The following GDPGP1 variants were observed in gnomAD, a reference collection of about 807,000 sequenced individuals.
The protein encoded by GDPGP1 is GDP-D-glucose phosphorylase 1.
GDPGP1 carries 18 observed loss-of-function variants against 19.2 expected under a neutral mutation model. The observed-to-expected ratio is 0.94, with a 90% CI of 0.65 to 1.39. The LOEUF is 1.39. Among genes scored for constraint, GDPGP1 ranks in the 40% most tolerant of loss-of-function variants. The probability of loss-of-function intolerance (pLI) is 0.00; values close to 1 mark genes in which losing one functional copy is unlikely to be tolerated. For missense variants in GDPGP1, 449 were observed against 490.5 expected (o/e 0.92, Z 0.80); for synonymous variants, 219 against 208.9 (o/e 1.05, Z -0.42).
chr15:90,243,214 T>C lies in GDPGP1; in HGVS notation c.*1148T>C, dbSNP rs1306781708. The C allele has an allele frequency of 6.6e-6, 1 of 152,248 alleles. No homozygotes were observed. The highest frequency in any genetic ancestry group is 1.5e-5 in the Non-Finnish European group (1 of 68,070). 9.4% of individuals were successfully genotyped at this position (152,248 alleles called of 1,614,324 possible). On this transcript the variant is annotated 3_prime_UTR_variant, in exon 4 of 4. Transcript: ENST00000329600. ...TATTTTTATTGCTTTGTCCCTTCTT[T>C]CCATTTAGCCCTGCTCCACCCAAAT...
Position 90,240,933 on chromosome 15 carries a change from G to A in GDPGP1, c.25G>A (p.Glu9Lys), listed in dbSNP as rs78054010. The stretch of plus-strand genomic sequence containing the variant: ...TATGGCTCTTCCACATGATTCAAAC[G>A]AAACTTCCTATTTGCTGCCTCCCAA... MALPHDSN[E>K]TSYLLPPNNE... The change falls in exon 4 of 4, where the codon GAA becomes AAA. Residue 9 changes from glutamate to lysine, a missense_variant. Physicochemically the swap from Glu to Lys is moderately conservative, Grantham distance 56. Transcript: ENST00000329600. 6,087 of 1,613,722 alleles carry A rather than the reference G, an allele frequency of 3.8e-3. 230 individuals carry two copies. The African/African-American group carries it at 0.072, about 19-fold the overall frequency.
rs369240813 is a variant in GDPGP1, at chr15:90,241,756, A to G, written c.848A>G (p.His283Arg). 186 of 1,614,104 alleles carry G rather than the reference A, an allele frequency of 1.2e-4. 1 individual carries two copies. The highest frequency in any genetic ancestry group is 4.9e-4 in the Middle Eastern group (3 of 6,084). Residue 283 changes from histidine (H) to arginine (R), a missense_variant, in exon 4 of 4, where the codon CAT becomes CGT. Coordinates refer to ENST00000329600, the MANE Select transcript of GDPGP1 (RefSeq NM_001013657.3). ...VCRATDYLTD[H>R]EIAHNLFVTR... Reference sequence around the variant, plus strand: ...CGGGCCACTGATTATCTGACTGACCATGAGATTGCTCATAACTTGTTTGTC... The same window carrying G: ...CGGGCCACTGATTATCTGACTGACCGTGAGATTGCTCATAACTTGTTTGTC...
chr15:90,241,236 C>G lies in GDPGP1; in HGVS notation c.328C>G (p.Gln110Glu). ...GCGTGGTGTGCAGAGGAGGCCCCCG[C>G]AGACCATCAAGAGTGTGAGGCAGGC... ...VERGVQRRPP[Q>E]TIKSVRQAFD... Residue 110 changes from glutamine to glutamate, a missense_variant, in exon 4 of 4, where the codon CAG becomes GAG. Gln to Glu is a conservative substitution (Grantham distance 29). Transcript: ENST00000329600. 6.2e-7 allele frequency: 1 copy of G among 1,614,184 alleles called. No individual in the cohort carries two copies. Among genetic ancestry groups the G allele is most frequent in the Non-Finnish European group, 8.5e-7 (1 of 1,180,036 alleles).
At position 90,245,703 on chromosome 15, in the gene GDPGP1, T is replaced by C. The variant is rs1962848220; in HGVS notation, c.*3637T>C. 1.3e-5 allele frequency: 2 copies of C among 152,294 alleles called. No homozygotes were observed. The highest frequency in any genetic ancestry group is 4.1e-4 in the South Asian group (2 of 4,828). The allele number at this position is 152,294 out of a possible 1,614,324, so 9.4% of individuals were successfully genotyped here. On this transcript the variant is annotated 3_prime_UTR_variant, in exon 4 of 4. Transcript: ENST00000329600. ...AAAGTGATAAGCCAAATATCAGGAT[T>C]TTCCCAGTTTCTCCGTAGGACTGAT...
intron 2 of GDPGP1, chr15:90,236,055 T>G (rs1454007935): frequency 6.6e-6 from 1 of 152,158 alleles, no homozygotes; most frequent in Non-Finnish European, 1.5e-5. Context: ...TCTTTTTTTT[T>G]GAGACAGAGT....
intron 3 of GDPGP1, among the ~76,000 whole-genome samples, chr15:90,240,345 T>G (rs1465405564): frequency 6.7e-6 from 1 of 149,638 alleles, no homozygotes; most frequent in Non-Finnish European, 1.5e-5. Flanking sequence ...CTGCCTCTAC[T>G]AAAAATACAA....
At chr15:90,240,780 C>A in intron 3 of GDPGP1, 120 bp from the exon 4 acceptor site, 1 of 670,920 alleles carries the variant, frequency 1.5e-6, no homozygotes, top group Non-Finnish European at 2.5e-6. Flanking sequence ...TGCCACTGCA[C>A]TCCAGCCTGG....
chr15:90,241,751 T>C lies in GDPGP1; in HGVS notation c.843T>C (p.Thr281=), dbSNP rs780730636. ...SRVCRATDYL[T]DHEIAHNLFV... ...TATGTCGGGCCACTGATTATCTGACTGACCATGAGATTGCTCATAACTTGT... is the reference window on the plus strand; with the variant it reads ...TATGTCGGGCCACTGATTATCTGACCGACCATGAGATTGCTCATAACTTGT... The change falls in exon 4 of 4, where the codon ACT becomes ACC. Residue 281 remains threonine (T), a synonymous_variant. Coordinates refer to ENST00000329600, the MANE Select transcript of GDPGP1 (RefSeq NM_001013657.3). 4 of 1,614,228 alleles carry C rather than the reference T, an allele frequency of 2.5e-6. No individual in the cohort carries two copies. The highest frequency in any genetic ancestry group is 2.5e-6 in the Non-Finnish European group (3 of 1,180,038).
At chr15:90,237,386 A>G (rs56030423) in intron 2 of GDPGP1, among the ~76,000 whole-genome samples, 8,208 of 144,578 alleles carry the variant, frequency 0.057, 297 homozygotes, top group Non-Finnish European at 0.079. Flanking sequence ...GGTTCAAGTG[A>G]TTCTCCTGCC....
In GDPGP1 at chr15:90,245,469, T is replaced by C. The variant is rs1962842870; in HGVS notation, c.*3403T>C. The C allele has an allele frequency of 1.4e-5, 1 of 73,174 alleles. No homozygotes were observed. The highest frequency in any genetic ancestry group is 7.6e-5 in the African/African-American group (1 of 13,136). The allele number at this position is 73,174 out of a possible 1,614,324, so 4.5% of individuals were successfully genotyped here. A position where few individuals can be genotyped will look rare whatever the true frequency, so the allele number is the denominator to read the frequency against. On this transcript the variant is annotated 3_prime_UTR_variant, in exon 4 of 4. Coordinates refer to ENST00000329600, the MANE Select transcript of GDPGP1 (RefSeq NM_001013657.3). ...GCCTGGGCGGCAGAGAGAGACTTTGTCTCAAAAAAAAAAAAAAAGAAAAAA... is the reference window on the plus strand; with the variant it reads ...GCCTGGGCGGCAGAGAGAGACTTTGCCTCAAAAAAAAAAAAAAAGAAAAAA...
At chr15:90,239,257 T>A (rs569574085) in intron 3 of GDPGP1, among the ~76,000 whole-genome samples, 4 of 152,082 alleles carry the variant, frequency 2.6e-5, no homozygotes, top group Non-Finnish European at 5.9e-5. Context: ...TTACTCGATA[T>A]ATATAATTTT....
Position 90,241,521 on chromosome 15 carries a change from T to C in GDPGP1, c.613T>C (p.Phe205Leu). Residue 205 changes from phenylalanine (F) to leucine (L), a missense_variant, in exon 4 of 4, where the codon TTC becomes CTC. Coordinates refer to ENST00000329600, the MANE Select transcript of GDPGP1 (RefSeq NM_001013657.3). ...LSLHPGFRVG[F>L]NSLGGLASVN... ...CTTACACCCGGGCTTCCGTGTCGGC[T>C]TCAACAGCCTGGGAGGCTTGGCCTC... 1.9e-6 allele frequency: 3 copies of C among 1,613,678 alleles called. No homozygotes were observed. The Middle Eastern group carries it at 4.9e-4, about 266-fold the overall frequency.
In GDPGP1 at chr15:90,242,163, C is replaced by A; in HGVS notation, c.*97C>A. 1.0e-6 allele frequency: 1 copy of A among 1,002,564 alleles called. No individual in the cohort carries two copies. The highest frequency in any genetic ancestry group is 1.4e-6 in the Non-Finnish European group (1 of 700,466). The allele number at this position is 1,002,564 out of a possible 1,614,324, so 62.1% of individuals were successfully genotyped here. ...AGTGTAGTGGTATGATCCTGGCTCA[C>A]TGTAGCCTCCACCTCTGGGGCTGAA... On this transcript the variant is annotated 3_prime_UTR_variant, in exon 4 of 4. Transcript: ENST00000329600.
chr15:90,235,021 TC>T (rs892567761), intron 2 of GDPGP1, among the ~76,000 whole-genome samples: 1 of 152,186 alleles, frequency 6.6e-6, no homozygotes, highest in African/African-American at 2.4e-5. Flanking sequence ...TATGTTAGTC[TC>T]AGTTTATAAC....
intron 3 of GDPGP1, among the ~76,000 whole-genome samples, chr15:90,239,153 T>C (rs1441676171): frequency 6.6e-6 from 1 of 152,206 alleles, no homozygotes; most frequent in Non-Finnish European, 1.5e-5. Flanking sequence ...TCCATCTATG[T>C]ATGAAAATGA....
chr15:90,239,629 G>A (rs1378243384), intron 3 of GDPGP1, among the ~76,000 whole-genome samples: 1 of 152,100 alleles, frequency 6.6e-6, no homozygotes, highest in Non-Finnish European at 1.5e-5. Flanking sequence ...ACTTTCCACC[G>A]GGCCCCTCCC....
rs1962757214 is a variant in GDPGP1 at position 90,241,464 on chromosome 15, C to T, written c.556C>T (p.Leu186=). The T allele has an allele frequency of 1.2e-6, 2 of 1,613,608 alleles. No homozygotes were observed. Among genetic ancestry groups the T allele is most frequent in the Non-Finnish European group, 1.7e-6 (2 of 1,180,032 alleles). The change falls in exon 4 of 4, where the codon CTG becomes TTG. Residue 186 remains leucine, a synonymous_variant. Coordinates refer to ENST00000329600, the MANE Select transcript of GDPGP1 (RefSeq NM_001013657.3). ...CCCCCAGCGCCTGCTGCCGGGTGCACTGAGGGCAGGGATTGAGGCTGTGCT... is the reference window on the plus strand; with the variant it reads ...CCCCCAGCGCCTGCTGCCGGGTGCATTGAGGGCAGGGATTGAGGCTGTGCT... ...QLPQRLLPGA[L]RAGIEAVLLS...
chr15:90,238,592 C>A (rs1441403912), intron 3 of GDPGP1, 44 bp downstream of exon 3: 2 of 152,142 alleles, frequency 1.3e-5, no homozygotes, highest in African/African-American at 4.8e-5. Context: ...GTGGCAGACC[C>A]CTCTCCCTGA....
Position 90,240,934 on chromosome 15 carries a change from A to G in GDPGP1, c.26A>G (p.Glu9Gly), listed in dbSNP as rs150736561. The G allele has an allele frequency of 6.2e-7, 1 of 1,613,952 alleles. No homozygotes were observed. Among genetic ancestry groups the G allele is most frequent in the Non-Finnish European group, 8.5e-7 (1 of 1,179,910 alleles). Residue 9 changes from glutamate to glycine, a missense_variant, in exon 4 of 4, where the codon GAA (glutamate) becomes GGA (glycine). Transcript: ENST00000329600. MALPHDSN[E>G]TSYLLPPNNE... is the part of the protein sequence containing the mutation. ...ATGGCTCTTCCACATGATTCAAACG[A>G]AACTTCCTATTTGCTGCCTCCCAAC...
Sources: allele counts gnomAD v4.1 joint callset (sites outside exome capture counted in the v4.1 genomes callset), GRCh38; gene constraint gnomAD v4.1.1; transcripts MANE v1.5; gene names NCBI Gene and HGNC (gene_info 2026-07-23, HGNC 2026-07-21).